Variants in ENTHD1 observed in about 807,000 individuals in gnomAD.
ENTHD1 encodes ENTH domain containing 1.
Under a neutral mutation model 39.1 loss-of-function variants are expected in ENTHD1, and 23 were observed. That is an observed-to-expected ratio of 0.59 (90% CI 0.42 to 0.83). ENTHD1 has a LOEUF of 0.83. ENTHD1 is among the 40% of genes least tolerant of loss of function. ENTHD1 has a pLI of 0.00. For synonymous variants in ENTHD1, 230 were observed against 258.2 expected (o/e 0.89, Z 1.05); for missense variants, 624 against 705.4 (o/e 0.88, Z 1.31).
intron 5 of ENTHD1, among the ~76,000 whole-genome samples, chr22:39,813,241 A>G (rs1286340494): frequency 2.6e-5 from 4 of 152,236 alleles, no homozygotes; most frequent in Non-Finnish European, 5.9e-5. Flanking sequence ...TCCAGAGTAT[A>G]AAAAAGAGCA....
At chr22:39,794,151 G>GT (rs2065527645) in intron 5 of ENTHD1, among the ~76,000 whole-genome samples, 1 of 152,064 alleles carries the variant, frequency 6.6e-6, no homozygotes. Context: ...GTGTTTTGTA[G>GT]TTTTCCTTGT....
At chr22:39,846,883 G>C (rs2065993166) in intron 3 of ENTHD1, among the ~76,000 whole-genome samples, 1 of 152,084 alleles carries the variant, frequency 6.6e-6, no homozygotes, top group South Asian at 2.1e-4. Flanking sequence ...TCATTAAAAA[G>C]TCAGGAAACA....
At chr22:39,750,637 T>G (rs1000041339) in intron 6 of ENTHD1, 1 of 152,590 alleles carries the variant, frequency 6.6e-6, no homozygotes, top group Admixed American at 6.5e-5. Flanking sequence ...GCCCATTAGT[T>G]TGGGACAAAT....
intron 6 of ENTHD1, among the ~76,000 whole-genome samples, chr22:39,756,429 G>A (rs2065186757): frequency 6.6e-6 from 1 of 151,834 alleles, no homozygotes; most frequent in Admixed American, 6.6e-5. Flanking sequence ...CCGCCTCCCA[G>A]GTTCAAGTGA....
At chr22:39,878,439 C>T (rs914610020) in intron 2 of ENTHD1, among the ~76,000 whole-genome samples, 2 of 151,508 alleles carry the variant, frequency 1.3e-5, no homozygotes, top group African/African-American at 2.4e-5. Flanking sequence ...TATACACTAA[C>T]CACACATCAA....
intron 5 of ENTHD1, among the ~76,000 whole-genome samples, chr22:39,813,027 C>T (rs2065705106): frequency 6.6e-6 from 1 of 152,200 alleles, no homozygotes; most frequent in South Asian, 2.1e-4. Context: ...AAGTGAGCCG[C>T]CAACCTCAGC....
At chr22:39,748,462 C>T (rs555114099) in intron 6 of ENTHD1, among the ~76,000 whole-genome samples, 1 of 151,314 alleles carries the variant, frequency 6.6e-6, no homozygotes, top group Non-Finnish European at 1.5e-5. Context: ...CGCTCTGTTG[C>T]CCAGGCTGGA....
At chr22:39,756,287 G>GTC (rs769318998) in intron 6 of ENTHD1, among the ~76,000 whole-genome samples, 18,741 of 144,144 alleles carry the variant, frequency 0.13, 1,628 homozygotes, top group East Asian at 0.5. Flanking sequence ...CAATGTCTCT[G>GTC]TCTCTCTCTC....
chr22:39,791,050 C>T (rs997833761), intron 5 of ENTHD1, among the ~76,000 whole-genome samples: 2 of 151,906 alleles, frequency 1.3e-5, no homozygotes, highest in African/African-American at 4.8e-5. Flanking sequence ...AAAATCTCCA[C>T]ATGTGGATTT....
chr22:39,834,280 A>C (rs562658236), intron 4 of ENTHD1, among the ~76,000 whole-genome samples: 2 of 152,352 alleles, frequency 1.3e-5, no homozygotes, highest in Admixed American at 1.3e-4. Context: ...CTCAAAACTC[A>C]ATGGTAAAAA....
At chr22:39,768,336 G>A (rs2065295016) in intron 5 of ENTHD1, among the ~76,000 whole-genome samples, 1 of 152,050 alleles carries the variant, frequency 6.6e-6, no homozygotes, top group Admixed American at 6.6e-5. Context: ...CAAACCCTCA[G>A]TCAGGCCATT....
chr22:39,808,066 A>C (rs2065657813), intron 5 of ENTHD1, among the ~76,000 whole-genome samples: 1 of 152,094 alleles, frequency 6.6e-6, no homozygotes, highest in Admixed American at 6.5e-5. Context: ...CTGAGGGCAA[A>C]TTTTTAAAAA....
chr22:39,759,359 T>C (rs1484152188), intron 6 of ENTHD1, among the ~76,000 whole-genome samples: 4 of 152,156 alleles, frequency 2.6e-5, no homozygotes, highest in Non-Finnish European at 5.9e-5. Context: ...TTTTAGCCAG[T>C]TGTCTTATCC....
chr22:39,879,111 T>A (rs2066313880), intron 2 of ENTHD1, among the ~76,000 whole-genome samples: 1 of 151,056 alleles, frequency 6.6e-6, no homozygotes, highest in Non-Finnish European at 1.5e-5. Flanking sequence ...AACTCAACAG[T>A]AAAAACAAAC....
intron 6 of ENTHD1, among the ~76,000 whole-genome samples, chr22:39,759,221 G>A (rs542512978): frequency 6.6e-6 from 1 of 152,178 alleles, no homozygotes; most frequent in East Asian, 1.9e-4. Flanking sequence ...TAAGACTATA[G>A]GGGACTGAGG....
At chr22:39,888,386 G>A (rs1415681708) in intron 1 of ENTHD1, among the ~76,000 whole-genome samples, 2 of 147,208 alleles carry the variant, frequency 1.4e-5, no homozygotes, top group Non-Finnish European at 3.0e-5. Flanking sequence ...TCCTGCCTCC[G>A]CCTCCCAAGC....
At chr22:39,858,740 C>A (rs1052323876) in intron 3 of ENTHD1, among the ~76,000 whole-genome samples, 2 of 152,150 alleles carry the variant, frequency 1.3e-5, no homozygotes, top group Non-Finnish European at 2.9e-5. Context: ...TGACCAGGTG[C>A]ACTGTCAATG....
chr22:39,826,759 T>G (rs2065829607), intron 4 of ENTHD1, among the ~76,000 whole-genome samples: 1 of 151,890 alleles, frequency 6.6e-6, no homozygotes, highest in Non-Finnish European at 1.5e-5. Context: ...AGGGTATACT[T>G]GTAGGAGGGG....
At chr22:39,874,570 C>G (rs1190790550) in intron 2 of ENTHD1, 1 of 152,086 alleles carries the variant, frequency 6.6e-6, no homozygotes, top group African/African-American at 2.4e-5. Flanking sequence ...AAAAGACAAG[C>G]TACAGAATTT....
Sources: gnomAD v4.1 joint callset for allele counts (sites outside exome capture counted in the v4.1 genomes callset) on GRCh38, gnomAD v4.1.1 for gene constraint, MANE v1.5 for transcripts, NCBI Gene and HGNC (gene_info 2026-07-23, HGNC 2026-07-21) for gene names.